The following ATP5PO variants were observed in gnomAD, a reference collection of about 807,000 sequenced individuals.
ATP5PO encodes ATP synthase peripheral stalk subunit OSCP, also known as ATP synthase peripheral stalk subunit OSCP, mitochondrial.
ATP5PO carries 14 observed loss-of-function variants against 26.2 expected under a neutral mutation model. The observed-to-expected ratio is 0.53, with a 90% CI of 0.35 to 0.83. ATP5PO has a LOEUF of 0.83. Among genes scored for constraint, ATP5PO ranks in the 40% least tolerant of loss-of-function variants. ATP5PO has a pLI of 0.01. For synonymous variants in ATP5PO, 106 were observed against 95.1 expected, an observed-to-expected ratio of 1.12 and a Z score of -0.67; for missense variants, 241 against 258.5, an observed-to-expected ratio of 0.93 and a Z score of 0.46.
rs1987210090 is a variant in ATP5PO at position 33,908,852 on chromosome 21, A to G, written c.328+230T>C. 3 of 426,394 alleles carry G rather than the reference A, an allele frequency of 7.0e-6. No individual in the cohort carries two copies. In the Admixed American group the frequency reaches 1.2e-4, roughly 16 times the overall value. The allele number at this position is 426,394 out of a possible 1,614,324, so 26.4% of individuals were successfully genotyped here. A position where few individuals can be genotyped will look rare whatever the true frequency, so the allele number is the denominator to read the frequency against. ...GAAACTACTGACTATACAATTAGAC[A>G]TGCTTAGGTCCTAGTATCCTTTAGA... On this transcript the variant is annotated intron_variant, in intron 4 of 6. Transcript: ENST00000290299.
At chr21:33,906,568 C>T in intron 5 of ATP5PO, 2 of 397,640 alleles carry the variant, frequency 5.0e-6, no homozygotes, top group South Asian at 3.7e-5. Flanking sequence ...CATAATAAAG[C>T]ACCCAGCATA....
chr21:33,914,355 T>C, intron 2 of ATP5PO, 95 bp downstream of exon 2: 2 of 1,247,942 alleles, frequency 1.6e-6, no homozygotes, highest in South Asian at 2.6e-5. Context: ...AAGGTTTAGA[T>C]AGTAACTACA....
At chr21:33,906,075 ATGTC>A (rs766778980) in intron 5 of ATP5PO, among the ~76,000 whole-genome samples, 3 of 152,118 alleles carry the variant, frequency 2.0e-5, no homozygotes, top group Non-Finnish European at 4.4e-5. Context: ...CTCCCTGCCT[ATGTC>A]TGAGCTGTAA....
At chr21:33,906,971 A>G (rs1310892045) in intron 5 of ATP5PO, 2 of 342,304 alleles carry the variant, frequency 5.8e-6, no homozygotes, top group Non-Finnish European at 1.1e-5. Flanking sequence ...CCTGGGTGAC[A>G]AAGTGAGACT....
chr21:33,911,662 GTTTTT>G (rs58774588), intron 3 of ATP5PO, among the ~76,000 whole-genome samples: 5 of 92,094 alleles, frequency 5.4e-5, no homozygotes, highest in South Asian at 8.9e-4. Flanking sequence ...ATAAGCATAG[GTTTTT>G]TTTTTTTTTT....
In ATP5PO at chr21:33,903,992, T is replaced by C; in HGVS notation, c.471A>G (p.Leu157=). ...TTAGGAAGCTCTTGAGGACAGTTTT[T>C]AATTCAGAGAGTGTGGCTTCTTCTA... The part of the protein sequence containing the change: ...SPLEEATLSE[L]KTVLKSFLSQ... The change falls in exon 6 of 7, where the codon TTA becomes TTG. Residue 157 remains leucine, a synonymous_variant. Coordinates refer to ENST00000290299, the MANE Select transcript of ATP5PO (RefSeq NM_001697.3). The C allele has an allele frequency of 6.2e-7, 1 of 1,613,660 alleles. No individual in the cohort carries two copies. Among genetic ancestry groups the C allele is most frequent in the Non-Finnish European group, 8.5e-7 (1 of 1,179,792 alleles).
At position 33,903,924 on chromosome 21, in the gene ATP5PO, T is replaced by G; in HGVS notation, c.528+11A>C. Reference sequence around the variant, plus strand: ...CCCGAGAAAACGTACCATAAATAATTTAAAACCTACCTTAGCCTCCAATTT... The same window carrying G: ...CCCGAGAAAACGTACCATAAATAATGTAAAACCTACCTTAGCCTCCAATTT... On this transcript the variant is annotated intron_variant, in intron 6 of 6. Transcript: ENST00000290299. 6.3e-7 allele frequency: 1 copy of G among 1,594,542 alleles called. No homozygotes were observed. Among genetic ancestry groups the G allele is most frequent in the Non-Finnish European group, 8.6e-7 (1 of 1,168,976 alleles).
chr21:33,913,695 C>T (rs1987277253), intron 2 of ATP5PO, among the ~76,000 whole-genome samples: 1 of 152,082 alleles, frequency 6.6e-6, no homozygotes, highest in African/African-American at 2.4e-5. Flanking sequence ...CTCCTTGGTG[C>T]CTACTGGAAA....
intron 6 of ATP5PO, 39 bp from the exon 7 acceptor site, chr21:33,903,678 A>T (rs187734176): frequency 1.3e-6 from 2 of 1,595,166 alleles, no homozygotes; most frequent in Non-Finnish European, 1.7e-6. Context: ...AAAACGCGCT[A>T]ATCAAATGGG....
At chr21:33,908,031 A>G (rs1987196878) in intron 4 of ATP5PO, among the ~76,000 whole-genome samples, 1 of 151,146 alleles carries the variant, frequency 6.6e-6, no homozygotes, top group Non-Finnish European at 1.5e-5. Context: ...CTCAAAAATT[A>G]GTGGCGCATG....
At position 33,904,021 on chromosome 21, in the gene ATP5PO, G is replaced by A. The variant is rs1987137044; in HGVS notation, c.442C>T (p.Pro148Ser). The part of the protein sequence containing the change: ...EVPCTVTSAS[P>S]LEEATLSELK... ...TCAGAGAGTGTGGCTTCTTCTAAAG[G>A]CTGAAAGGCAAAACCATCCTTTCAA... Residue 148 changes from proline to serine, a missense_variant and splice_region_variant, in exon 6 of 7, where the codon CCT becomes TCT. By Grantham distance (74) the Pro-to-Ser change is moderately conservative. Around this residue, in one of 3 missense-constraint regions of ATP5PO, gnomAD observed 39 missense variants for 75.5 expected, o/e 0.52. Coordinates refer to ENST00000290299, the MANE Select transcript of ATP5PO (RefSeq NM_001697.3). 1.2e-6 allele frequency: 2 copies of A among 1,609,316 alleles called. No individual in the cohort carries two copies. Among genetic ancestry groups the A allele is most frequent in the Non-Finnish European group, 1.7e-6 (2 of 1,177,934 alleles).
intron 4 of ATP5PO, among the ~76,000 whole-genome samples, chr21:33,908,408 A>G (rs998063507): frequency 6.6e-6 from 1 of 152,058 alleles, no homozygotes; most frequent in African/African-American, 2.4e-5. Context: ...GCTGGCTATG[A>G]GGATCTGAAA....
At chr21:33,914,390 T>C in intron 2 of ATP5PO, 60 bp downstream of exon 2, 1 of 1,529,630 alleles carries the variant, frequency 6.5e-7, no homozygotes. Context: ...CTGACTGTAC[T>C]GCTGTTTGAC....
chr21:33,904,078 T>C, intron 5 of ATP5PO, 57 bp from the exon 6 acceptor site: 1 of 1,470,206 alleles, frequency 6.8e-7, no homozygotes. Flanking sequence ...ACTTCCAGAG[T>C]TAAAATACCC....
At chr21:33,906,845 G>C (rs558195367) in intron 5 of ATP5PO, 1 of 447,802 alleles carries the variant, frequency 2.2e-6, no homozygotes, top group Non-Finnish European at 4.5e-6. Flanking sequence ...ACAAAAATTA[G>C]CCGGGTGTGG....
At chr21:33,915,685 G>T in intron 1 of ATP5PO, 43 bp downstream of exon 1, 1 of 1,554,804 alleles carries the variant, frequency 6.4e-7, no homozygotes, top group South Asian at 1.2e-5. Flanking sequence ...GGTCATCCCA[G>T]GAGGGATCCT....
rs59334506 is a variant in ATP5PO at position 33,905,918 on chromosome 21, G to GAAAAAAAAA, written c.441+1414_441+1422dup. 6.4e-3 allele frequency among the ~76,000 whole-genome samples: 627 copies of GAAAAAAAAA among 98,386 alleles called. 26 individuals carry two copies. Among genetic ancestry groups the GAAAAAAAAA allele is most frequent in the African/African-American group, 0.014 (370 of 25,690 alleles). The allele number at this position is 98,386 out of a possible 152,430, so 64.5% of individuals were successfully genotyped here. ...CAGAGTGAGACTCAGTCTCAAAAAA[G>GAAAAAAAAA]AAAAAAAAAAAAAAAAAAAAGAAAA... On this transcript the variant is annotated intron_variant, in intron 5 of 6. Coordinates refer to ENST00000290299, the MANE Select transcript of ATP5PO (RefSeq NM_001697.3).
chr21:33,912,598 A>G (rs1987263819), intron 2 of ATP5PO, among the ~76,000 whole-genome samples, 199 bp from the exon 3 acceptor site: 1 of 152,212 alleles, frequency 6.6e-6, no homozygotes, highest in Admixed American at 6.5e-5. Flanking sequence ...AGGTCACTCA[A>G]TCTTTGAGCC....
intron 3 of ATP5PO, 74 bp downstream of exon 3, chr21:33,912,215 G>T: frequency 7.7e-7 from 1 of 1,305,974 alleles, no homozygotes; most frequent in South Asian, 1.3e-5. Context: ...CACCTCATTA[G>T]GAATGCACAA....
Sources: gnomAD v4.1 joint callset for allele counts (sites outside exome capture counted in the v4.1 genomes callset) on GRCh38, gnomAD v4.1.1 for gene constraint, gnomAD v4.1.1 regional missense constraint, MANE v1.5 for transcripts, NCBI Gene and HGNC (gene_info 2026-07-23, HGNC 2026-07-21) for gene names.